SLIT2: variants seen among roughly 807,000 people sequenced by gnomAD.
The protein encoded by SLIT2 is slit guidance ligand 2.
In SLIT2, 41 loss-of-function variants were observed where a neutral mutation model predicts 185.7. The observed-to-expected ratio is 0.22, with a 90% CI of 0.17 to 0.29. The LOEUF (loss-of-function observed/expected upper bound fraction) is 0.29, where lower values mean the gene tolerates loss of function less well. Ranked by LOEUF, SLIT2 falls within the 10% of genes least tolerant of loss-of-function variation. SLIT2 has a pLI of 1.00. For missense variants in SLIT2, 1,571 were observed against 1,909.0 expected, an observed-to-expected ratio of 0.82 and a Z score of 3.30; for synonymous variants, 693 against 680.2, an observed-to-expected ratio of 1.02 and a Z score of -0.29.
intron 4 of SLIT2, among the ~76,000 whole-genome samples, chr4:20,312,209 T>G (rs1244931154): frequency 6.6e-6 from 1 of 152,196 alleles, no homozygotes; most frequent in Non-Finnish European, 1.5e-5. Flanking sequence ...TCGCTTTAAG[T>G]TACAGTATGG....
intron 4 of SLIT2, among the ~76,000 whole-genome samples, chr4:20,448,673 C>T (rs1392787057): frequency 1.3e-5 from 2 of 151,354 alleles, no homozygotes; most frequent in East Asian, 2.0e-4. Context: ...GGGTCTTGCT[C>T]TGTTGCCAGG....
At chr4:20,325,916 T>G (rs1719544953) in intron 4 of SLIT2, among the ~76,000 whole-genome samples, 1 of 152,170 alleles carries the variant, frequency 6.6e-6, no homozygotes, top group Admixed American at 6.6e-5. Context: ...AATACAGTGA[T>G]GAAAGAAATA....
chr4:20,548,361 G>T, intron 22 of SLIT2, 127 bp from the exon 23 acceptor site: 9 of 598,252 alleles, frequency 1.5e-5, no homozygotes, highest in Admixed American at 3.0e-5. Flanking sequence ...CTGTTTTATT[G>T]TTTTCAGATA....
At chr4:20,441,948 A>G (rs543291580) in intron 4 of SLIT2, among the ~76,000 whole-genome samples, 3 of 152,320 alleles carry the variant, frequency 2.0e-5, no homozygotes, top group South Asian at 4.1e-4. Context: ...TATTTTTTTA[A>G]AGTAATTTTA....
chr4:20,414,655 C>A (rs1727518024), intron 4 of SLIT2, among the ~76,000 whole-genome samples: 1 of 152,184 alleles, frequency 6.6e-6, no homozygotes, highest in East Asian at 1.9e-4. Context: ...TGCATGACAT[C>A]TTCCCTCCCA....
intron 4 of SLIT2, among the ~76,000 whole-genome samples, chr4:20,354,208 GT>G (rs200060207): frequency 3.2e-3 from 469 of 148,518 alleles, no homozygotes; most frequent in East Asian, 5.5e-3. Flanking sequence ...GGAAAGGTAG[GT>G]TTTTTTTCTT....
intron 4 of SLIT2, among the ~76,000 whole-genome samples, chr4:20,287,166 G>A (rs1163384112): frequency 6.6e-6 from 1 of 152,154 alleles, no homozygotes; most frequent in Admixed American, 6.5e-5. Context: ...ACTCAAGGAA[G>A]CTAGCTACTC....
At chr4:20,523,068 G>A (rs1234232300) in intron 12 of SLIT2, among the ~76,000 whole-genome samples, 1 of 152,148 alleles carries the variant, frequency 6.6e-6, no homozygotes, top group African/African-American at 2.4e-5. Flanking sequence ...AGAGGGGTGC[G>A]GGAGGCTGGA....
At chr4:20,255,910 A>C (rs904001915) in intron 1 of SLIT2, among the ~76,000 whole-genome samples, 1 of 152,182 alleles carries the variant, frequency 6.6e-6, no homozygotes, top group African/African-American at 2.4e-5. Context: ...GTTTTACTTG[A>C]AGTGATTGGA....
At chr4:20,268,549 C>T (rs1407215917) in intron 3 of SLIT2, among the ~76,000 whole-genome samples, 1 of 151,816 alleles carries the variant, frequency 6.6e-6, no homozygotes, top group Admixed American at 6.6e-5. Context: ...TGTGTGTATT[C>T]TGGTTGACTG....
chr4:20,407,223 C>T (rs1217483624), intron 4 of SLIT2, among the ~76,000 whole-genome samples: 2 of 152,016 alleles, frequency 1.3e-5, no homozygotes, highest in Admixed American at 6.6e-5. Flanking sequence ...CAGATGAGTC[C>T]ATTTTGTTAA....
intron 8 of SLIT2, chr4:20,489,824 C>CAA (rs1301237738): frequency 3.3e-5 from 5 of 152,820 alleles, no homozygotes; most frequent in Non-Finnish European, 7.3e-5. Context: ...TGTGGTGGCT[C>CAA]ACGCCTGTAA....
At chr4:20,472,554 A>ATCGATATATC (rs1276917606) in intron 5 of SLIT2, among the ~76,000 whole-genome samples, 2 of 13,176 alleles carry the variant, frequency 1.5e-4, no homozygotes, top group Non-Finnish European at 2.2e-4. Context: ...ATCTATATAT[A>ATCGATATATC]GATATATATC....
intron 4 of SLIT2, among the ~76,000 whole-genome samples, chr4:20,353,175 T>C (rs1722025225): frequency 6.6e-6 from 1 of 152,186 alleles, no homozygotes; most frequent in Admixed American, 6.5e-5. Context: ...TGTGCATTCA[T>C]AGCAGATGTG....
intron 29 of SLIT2, among the ~76,000 whole-genome samples, chr4:20,574,647 C>T (rs1485491926): frequency 6.6e-6 from 1 of 151,942 alleles, no homozygotes; most frequent in Admixed American, 6.6e-5. Context: ...ATGAGCAGGG[C>T]GTTGCGGCAC....
In SLIT2 at chr4:20,541,552, A is replaced by G; in HGVS notation, c.2076A>G (p.Gln692=). The G allele has an allele frequency of 6.2e-7, 1 of 1,614,060 alleles. No individual in the cohort carries two copies. The highest frequency in any genetic ancestry group is 1.3e-5 in the African/African-American group (1 of 75,062). The stretch of plus-strand genomic sequence containing the variant: ...TTGTCACGGGAAATCCTAGATGTCA[A>G]AAACCATACTTCCTGAAAGAAATAC... ...KRIVTGNPRC[Q]KPYFLKEIPI... The change falls in exon 20 of 37, where the codon CAA becomes CAG. Residue 692 remains glutamine (Q), a synonymous_variant. Transcript: ENST00000504154.
rs1335206228 is a variant in SLIT2, at chr4:20,278,857, A to T, written c.395+9976A>T. Among the ~76,000 whole-genome samples the T allele has an allele frequency of 2.0e-5, 3 of 152,072 alleles. No homozygotes were observed. In the South Asian group the frequency reaches 6.2e-4, roughly 32 times the overall value. The stretch of plus-strand genomic sequence containing the variant: ...GTGGAGGGGGAAGCGAGAGGTGGGC[A>T]TACTGAGTGCTTAAGAAACGTACAG... On this transcript the variant is annotated intron_variant, in intron 4 of 36. Transcript: ENST00000504154.
intron 4 of SLIT2, among the ~76,000 whole-genome samples, chr4:20,415,503 C>T (rs889817025): frequency 6.4e-4 from 96 of 149,614 alleles, no homozygotes; most frequent in African/African-American, 2.3e-3. Flanking sequence ...TAAAATGTGT[C>T]GTTATTATAA....
chr4:20,376,732 A>G (rs944249055), intron 4 of SLIT2, among the ~76,000 whole-genome samples: 1 of 152,120 alleles, frequency 6.6e-6, no homozygotes, highest in African/African-American at 2.4e-5. Context: ...AGGGACATGG[A>G]TGAAGCTGGA....
Sources: allele counts gnomAD v4.1 joint callset (sites outside exome capture counted in the v4.1 genomes callset), GRCh38; gene constraint gnomAD v4.1.1; transcripts MANE v1.5; gene names NCBI Gene and HGNC (gene_info 2026-07-23, HGNC 2026-07-21).